The following DPP10 variants were observed in gnomAD, a reference collection of about 807,000 sequenced individuals.
DPP10 encodes dipeptidyl peptidase like 10.
A neutral mutation model predicts 120.9 loss-of-function variants in DPP10; 33 were observed. The ratio of observed to expected loss-of-function variants is 0.27; its 90% confidence interval spans 0.21 to 0.37. The LOEUF (loss-of-function observed/expected upper bound fraction) is 0.37. Ranked by LOEUF, DPP10 falls within the 10% of genes least tolerant of loss-of-function variation. The pLI, the probability that DPP10 is intolerant of heterozygous loss-of-function variation, is 1.00. For synonymous variants in DPP10, 337 were observed against 326.1 expected, an observed-to-expected ratio of 1.03 and a Z score of -0.36; for missense variants, 816 against 942.8, an observed-to-expected ratio of 0.87 and a Z score of 1.76.
intron 4 of DPP10, 34 bp from the exon 5 acceptor site, chr2:115,525,864 T>C (rs1478720788): frequency 6.5e-7 from 1 of 1,531,128 alleles, no homozygotes; most frequent in Non-Finnish European, 8.8e-7. Context: ...TTAAGAAGTT[T>C]TTAAATATAA....
intron 1 of DPP10, among the ~76,000 whole-genome samples, chr2:115,155,338 T>A (rs1259280131): frequency 1.3e-5 from 2 of 152,218 alleles, no homozygotes; most frequent in Non-Finnish European, 2.9e-5. Context: ...TGTTGAGTCC[T>A]AATAGATCAG....
chr2:114,506,562 C>T (rs1319836721), intron 1 of DPP10, among the ~76,000 whole-genome samples: 3 of 152,122 alleles, frequency 2.0e-5, no homozygotes, highest in African/African-American at 4.8e-5. Context: ...GTTGAAAGGG[C>T]ACTGTAACAC....
intron 13 of DPP10, among the ~76,000 whole-genome samples, chr2:115,769,384 C>T (rs916277250): frequency 6.6e-6 from 1 of 152,028 alleles, no homozygotes; most frequent in Non-Finnish European, 1.5e-5. Context: ...TATCCATATA[C>T]ATTTGTATTG....
chr2:115,335,384 G>A (rs953927996), intron 2 of DPP10, among the ~76,000 whole-genome samples: 1 of 151,814 alleles, frequency 6.6e-6, no homozygotes, highest in Non-Finnish European at 1.5e-5. Flanking sequence ...AAGGAGGAAA[G>A]AAGAAACTGT....
Position 115,753,436 on chromosome 2 carries a change from A to G in DPP10, c.1074+139A>G, listed in dbSNP as rs187395492. 4.6e-4 allele frequency: 341 copies of G among 747,442 alleles called. 5 individuals are homozygous for G. The South Asian group carries it at 5.6e-3, about 12-fold the overall frequency. 46.3% of individuals were successfully genotyped at this position (747,442 alleles called of 1,614,324 possible). A position where few individuals can be genotyped will look rare whatever the true frequency, so the allele number is the denominator to read the frequency against. ...CTAATAGGAAAAGAATTATTCTATT[A>G]AGAATATATACTTTAATTTATAAAG... On this transcript the variant is annotated intron_variant, in intron 11 of 25. Coordinates refer to ENST00000410059, the MANE Select transcript of DPP10 (RefSeq NM_020868.6).
intron 1 of DPP10, chr2:114,706,998 G>T (rs889736034): frequency 2.0e-5 from 3 of 152,172 alleles, no homozygotes; most frequent in African/African-American, 7.2e-5. Flanking sequence ...CCCTGGGTCT[G>T]TGGGTCATGC....
At chr2:114,524,250 A>G (rs1685308908) in intron 1 of DPP10, among the ~76,000 whole-genome samples, 1 of 152,220 alleles carries the variant, frequency 6.6e-6, no homozygotes, top group African/African-American at 2.4e-5. Flanking sequence ...GAGGAAACAG[A>G]ATGTCAGGGA....
At chr2:114,741,089 G>A (rs1159018197) in intron 1 of DPP10, among the ~76,000 whole-genome samples, 1 of 152,152 alleles carries the variant, frequency 6.6e-6, no homozygotes, top group South Asian at 2.1e-4. Flanking sequence ...TCATTTTTCT[G>A]TTATAAAGAA....
intron 5 of DPP10, among the ~76,000 whole-genome samples, chr2:115,631,150 G>A (rs2085835128): frequency 6.6e-6 from 1 of 151,414 alleles, no homozygotes; most frequent in Non-Finnish European, 1.5e-5. Flanking sequence ...TTCAGTCTTG[G>A]GAGGGTGTAT....
At chr2:115,513,358 A>C (rs1227810179) in intron 4 of DPP10, among the ~76,000 whole-genome samples, 1 of 151,822 alleles carries the variant, frequency 6.6e-6, no homozygotes, top group African/African-American at 2.4e-5. Flanking sequence ...TCATGTGTTT[A>C]TTTTCATTTA....
At chr2:114,921,097 T>A (rs928931995) in intron 1 of DPP10, among the ~76,000 whole-genome samples, 1 of 152,240 alleles carries the variant, frequency 6.6e-6, no homozygotes, top group Non-Finnish European at 1.5e-5. Flanking sequence ...TCACCCACGC[T>A]AAATCTTACA....
intron 1 of DPP10, among the ~76,000 whole-genome samples, chr2:114,704,897 T>C (rs538073195): frequency 2.0e-5 from 3 of 151,990 alleles, no homozygotes. Flanking sequence ...GGTGTCCTTA[T>C]AAGAAAAGGA....
intron 5 of DPP10, among the ~76,000 whole-genome samples, chr2:115,576,133 T>C (rs777767375): frequency 8.5e-5 from 13 of 152,228 alleles, no homozygotes; most frequent in Non-Finnish European, 1.8e-4. Context: ...CTACTGACTT[T>C]GTGGTGATTT....
intron 5 of DPP10, among the ~76,000 whole-genome samples, chr2:115,556,478 C>G (rs1465433622): frequency 6.6e-6 from 1 of 151,592 alleles, no homozygotes; most frequent in Non-Finnish European, 1.5e-5. Flanking sequence ...TTGGACATCC[C>G]TGGCCTAGAT....
At chr2:115,050,750 G>T (rs560748615) in intron 1 of DPP10, among the ~76,000 whole-genome samples, 1 of 152,154 alleles carries the variant, frequency 6.6e-6, no homozygotes, top group African/African-American at 2.4e-5. Flanking sequence ...CGGTCTCTGC[G>T]CTGGCAAGAA....
intron 1 of DPP10, among the ~76,000 whole-genome samples, chr2:115,080,529 G>T (rs1270568314): frequency 6.6e-6 from 1 of 152,064 alleles, no homozygotes; most frequent in Non-Finnish European, 1.5e-5. Flanking sequence ...AAACAACCCA[G>T]TCACATTAAA....
At chr2:115,342,829 G>A (rs1221359251) in intron 2 of DPP10, among the ~76,000 whole-genome samples, 1 of 151,888 alleles carries the variant, frequency 6.6e-6, no homozygotes, top group East Asian at 1.9e-4. Flanking sequence ...TATTTTATGG[G>A]TTAAATGCAT....
chr2:114,533,067 C>T (rs1340026916), intron 1 of DPP10, among the ~76,000 whole-genome samples: 2 of 152,162 alleles, frequency 1.3e-5, no homozygotes, highest in Non-Finnish European at 2.9e-5. Context: ...AGACCAGCTA[C>T]TATTGAGAAT....
chr2:115,471,229 A>G (rs2074696043), intron 3 of DPP10, among the ~76,000 whole-genome samples: 1 of 152,188 alleles, frequency 6.6e-6, no homozygotes, highest in Admixed American at 6.5e-5. Flanking sequence ...TTCACTACCT[A>G]CTCAAAAGCA....
Sources: gnomAD v4.1 joint callset for allele counts (sites outside exome capture counted in the v4.1 genomes callset) on GRCh38, gnomAD v4.1.1 for gene constraint, MANE v1.5 for transcripts, NCBI Gene and HGNC (gene_info 2026-07-23, HGNC 2026-07-21) for gene names.